The following FOXP2 variants were observed in gnomAD, a reference collection of about 807,000 sequenced individuals.
FOXP2 encodes forkhead box protein P2.
In FOXP2, 12 loss-of-function variants were observed where a neutral mutation model predicts 115.8. The observed-to-expected ratio is 0.10, with a 90% CI of 0.07 to 0.17. The LOEUF (loss-of-function observed/expected upper bound fraction) is 0.17, where lower values mean the gene tolerates loss of function less well. Among genes scored for constraint, FOXP2 ranks in the 10% least tolerant of loss-of-function variants. The pLI is 1.00. For synonymous variants in FOXP2, 328 were observed against 297.7 expected (o/e 1.10, Z -1.05); for missense variants, 629 against 843.5 (o/e 0.75, Z 3.15).
chr7:114,588,096 T>C (rs1253064505), intron 3 of FOXP2, among the ~76,000 whole-genome samples: 2 of 151,304 alleles, frequency 1.3e-5, no homozygotes, highest in Non-Finnish European at 2.9e-5. Context: ...GATCACGAGG[T>C]CAGGAGATCG....
intron 1 of FOXP2, among the ~76,000 whole-genome samples, chr7:114,203,808 A>C (rs1239558765): frequency 6.6e-6 from 1 of 151,984 alleles, no homozygotes; most frequent in African/African-American, 2.4e-5. Flanking sequence ...GATTCTTTTC[A>C]TATTTTCCTT....
intron 1 of FOXP2, among the ~76,000 whole-genome samples, chr7:114,103,242 C>T (rs1791032238): frequency 6.6e-6 from 1 of 151,956 alleles, no homozygotes; most frequent in Admixed American, 6.6e-5. Context: ...ATGGGTAGCC[C>T]ATTGGCCCAG....
chr7:114,626,531 ATCTC>A (rs35087540), intron 3 of FOXP2, among the ~76,000 whole-genome samples: 71 of 147,384 alleles, frequency 4.8e-4, no homozygotes, highest in African/African-American at 1.4e-3. Flanking sequence ...TAGAAGGCAT[ATCTC>A]TCTCTCTCTC....
chr7:114,104,496 A>G (rs1320785070), intron 1 of FOXP2, among the ~76,000 whole-genome samples: 4 of 152,030 alleles, frequency 2.6e-5, no homozygotes, highest in African/African-American at 9.7e-5. Context: ...TACTGTTGAT[A>G]GCATAGGTGA....
intron 1 of FOXP2, among the ~76,000 whole-genome samples, chr7:114,152,010 A>G (rs1288015800): frequency 6.6e-6 from 1 of 152,156 alleles, no homozygotes; most frequent in Non-Finnish European, 1.5e-5. Flanking sequence ...CGATTTCATT[A>G]TCTTCAAGAT....
At chr7:114,382,608 C>A (rs1792334803) in intron 2 of FOXP2, among the ~76,000 whole-genome samples, 1 of 151,244 alleles carries the variant, frequency 6.6e-6, no homozygotes, top group Non-Finnish European at 1.5e-5. Flanking sequence ...TTTTTTTTAT[C>A]CCGTTTGTCC....
rs114574200 is a variant in FOXP2 at position 114,594,606 on chromosome 7, T to C, written c.259-33934T>C. On this transcript the variant is annotated intron_variant, in intron 3 of 16. Transcript: ENST00000350908. ...AAAAATAGTATGTGAGAACCAATTC[T>C]ATTCATTTGACTAAAACACAAGCAT... Among the ~76,000 whole-genome samples, 356 of 152,224 alleles carry C rather than the reference T, an allele frequency of 2.3e-3. 1 individual carries two copies. The highest frequency in any genetic ancestry group is 7.8e-3 in the African/African-American group (323 of 41,574).
rs142759581 is a variant in FOXP2, at chr7:114,610,872, C to T, written c.259-17668C>T. On this transcript the variant is annotated intron_variant, in intron 3 of 16. Transcript: ENST00000350908. ...CTGGTCTCAAACTCCTGGGCTCAAG[C>T]GATCCTCCTGCCTCAGCCGTCCAAG... Among the ~76,000 whole-genome samples, 241 of 151,952 alleles carry T rather than the reference C, an allele frequency of 1.6e-3. 1 individual carries two copies. Among genetic ancestry groups the T allele is most frequent in the Admixed American group, 4.6e-3 (70 of 15,260 alleles).
At chr7:114,201,523 A>T (rs925607595) in intron 1 of FOXP2, among the ~76,000 whole-genome samples, 3 of 152,136 alleles carry the variant, frequency 2.0e-5, no homozygotes, top group African/African-American at 7.2e-5. Flanking sequence ...TTACAAAATC[A>T]CAGAAACTTT....
intron 2 of FOXP2, among the ~76,000 whole-genome samples, chr7:114,389,246 C>T (rs554441879): frequency 6.6e-6 from 1 of 152,250 alleles, no homozygotes; most frequent in Admixed American, 6.5e-5. Flanking sequence ...CATACCAAGA[C>T]AATATGACAC....
intron 3 of FOXP2, among the ~76,000 whole-genome samples, chr7:114,536,008 G>A (rs1419580668): frequency 5.3e-5 from 8 of 151,494 alleles, no homozygotes; most frequent in Middle Eastern, 3.2e-3. Context: ...GGGAGCGTAG[G>A]TGTAGTATTT....
chr7:114,584,262 C>T (rs1802016155), intron 3 of FOXP2, among the ~76,000 whole-genome samples: 1 of 151,944 alleles, frequency 6.6e-6, no homozygotes, highest in South Asian at 2.1e-4. Context: ...AATCTTTTCC[C>T]CCACATTAGA....
intron 10 of FOXP2, chr7:114,654,244 T>A: frequency 1.1e-6 from 1 of 928,746 alleles, no homozygotes; most frequent in Non-Finnish European, 1.5e-6. Flanking sequence ...CACCTATCAG[T>A]GCACAAATCA....
In FOXP2 at chr7:114,167,041, A is replaced by G. The variant is rs1349012813; in HGVS notation, c.-102+3953A>G. ...TTCTTACAAAGCTAAACATAGTCTT[A>G]CTATGTGATCCAGCAGTGACACTCC... On this transcript the variant is annotated intron_variant, in intron 1 of 17. Coordinates refer to the FOXP2 transcript ENST00000634411. Among the ~76,000 whole-genome samples the G allele has an allele frequency of 3.3e-5, 5 of 152,238 alleles. No individual in the cohort carries two copies. The East Asian group carries it at 9.6e-4, about 29-fold the overall frequency.
intron 2 of FOXP2, among the ~76,000 whole-genome samples, chr7:114,524,853 A>G (rs905292560): frequency 6.6e-6 from 1 of 152,146 alleles, no homozygotes; most frequent in Non-Finnish European, 1.5e-5. Context: ...GACCCTATAC[A>G]TTGGGTGTAT....
At chr7:114,585,326 AT>A (rs1266969617) in intron 3 of FOXP2, among the ~76,000 whole-genome samples, 2 of 152,130 alleles carry the variant, frequency 1.3e-5, no homozygotes, top group African/African-American at 4.8e-5. Context: ...GAAAATCTGT[AT>A]TTCTACCAAG....
At position 114,555,689 on chromosome 7, in the gene FOXP2, C is replaced by T. The variant is rs142226491; in HGVS notation, c.258+20983C>T. Among the ~76,000 whole-genome samples the T allele has an allele frequency of 5.3e-3, 810 of 152,108 alleles. 7 individuals carry two copies. Among genetic ancestry groups the T allele is most frequent in the African/African-American group, 0.018 (765 of 41,518 alleles). On this transcript the variant is annotated intron_variant, in intron 3 of 16. Transcript: ENST00000350908. ...TTACATGCCTGTCATCCCAGCTACA[C>T]GGGAGGCTGAGGCAGGAGAGTCACT...
At chr7:114,186,435 C>T (rs1562996727) in intron 1 of FOXP2, among the ~76,000 whole-genome samples, 1 of 152,140 alleles carries the variant, frequency 6.6e-6, no homozygotes, top group African/African-American at 2.4e-5. Context: ...CCCAACAGAG[C>T]AAACAGCATT....
rs191203063 is a variant in FOXP2, at chr7:114,571,569, T to C, written c.258+36863T>C. 5.9e-5 allele frequency among the ~76,000 whole-genome samples: 9 copies of C among 151,996 alleles called. No homozygotes were observed. In the East Asian group the frequency reaches 1.7e-3, roughly 29 times the overall value. ...CAGTCATGGGTTCTGTATCTGTGGA[T>C]TCAACCAACCACAGATCCAAAATAG... On this transcript the variant is annotated intron_variant, in intron 3 of 16. Coordinates refer to ENST00000350908, the MANE Select transcript of FOXP2 (RefSeq NM_014491.4).
Sources: allele counts gnomAD v4.1 joint callset (sites outside exome capture counted in the v4.1 genomes callset), GRCh38; gene constraint gnomAD v4.1.1; transcripts MANE v1.5; gene names NCBI Gene and HGNC (gene_info 2026-07-23, HGNC 2026-07-21).